ACBD6: variants seen among roughly 807,000 people sequenced by gnomAD.
ACBD6 encodes acyl-CoA binding domain containing 6.
ACBD6 carries 28 observed loss-of-function variants against 37.2 expected under a neutral mutation model. The observed-to-expected ratio is 0.75, with a 90% CI of 0.56 to 1.03. The LOEUF (loss-of-function observed/expected upper bound fraction) is 1.03, where lower values mean the gene tolerates loss of function less well. Ranked by LOEUF, ACBD6 falls within the 50% of genes least tolerant of loss-of-function variation. The pLI, the probability that ACBD6 is intolerant of heterozygous loss-of-function variation, is 0.00. For missense variants in ACBD6, 340 were observed against 337.4 expected, an observed-to-expected ratio of 1.01 and a Z score of -0.06; for synonymous variants, 113 against 126.8, an observed-to-expected ratio of 0.89 and a Z score of 0.73.
chr1:180,437,450 G>A (rs531542428), intron 3 of ACBD6, among the ~76,000 whole-genome samples: 1 of 152,342 alleles, frequency 6.6e-6, no homozygotes, highest in Admixed American at 6.5e-5. Context: ...ATGTTGGGGA[G>A]AAATCCCCAC....
intron 9 of ACBD6, chr1:180,278,854 AC>A (rs1249343243): frequency 6.6e-6 from 1 of 151,874 alleles, no homozygotes; most frequent in Non-Finnish European, 1.5e-5. Context: ...AAAAAGACCC[AC>A]CCATCCTTAT....
intron 6 of ACBD6, among the ~76,000 whole-genome samples, chr1:180,378,305 A>G (rs965647600): frequency 1.3e-5 from 2 of 152,202 alleles, no homozygotes; most frequent in Admixed American, 1.3e-4. Flanking sequence ...CAAAAGCATA[A>G]GGATAATTAA....
At chr1:180,416,807 T>C (rs1047158596) in intron 4 of ACBD6, among the ~76,000 whole-genome samples, 9 of 152,222 alleles carry the variant, frequency 5.9e-5, no homozygotes, top group Non-Finnish European at 1.3e-4. Context: ...TCTGTACCAT[T>C]TTCTACTCAG....
intron 2 of ACBD6, among the ~76,000 whole-genome samples, chr1:180,494,647 T>A (rs1651657622): frequency 6.6e-6 from 1 of 152,200 alleles, no homozygotes; most frequent in Non-Finnish European, 1.5e-5. Flanking sequence ...GAATGTAAAG[T>A]AAGAACCCAT....
chr1:180,331,343 C>T lies in ACBD6; in HGVS notation c.664-16621G>A, dbSNP rs544936544. ...AACATCCTTAACCCCATCAGGTTAC[C>T]AAATAACTTAGATAGCCATTTTAAT... On this transcript the variant is annotated intron_variant, in intron 6 of 7. Coordinates refer to ENST00000367595, the MANE Select transcript of ACBD6 (RefSeq NM_032360.4). Among the ~76,000 whole-genome samples the T allele has an allele frequency of 1.8e-3, 269 of 152,270 alleles. 2 individuals are homozygous for T. Among genetic ancestry groups the T allele is most frequent in the Non-Finnish European group, 3.1e-3 (210 of 68,016 alleles).
At chr1:180,451,546 T>C (rs149047843) in intron 3 of ACBD6, among the ~76,000 whole-genome samples, 1 of 152,152 alleles carries the variant, frequency 6.6e-6, no homozygotes, top group Non-Finnish European at 1.5e-5. Flanking sequence ...TACTCATCCA[T>C]AAAAAGGAAT....
At chr1:180,274,434 A>G (rs1278433581) in intron 10 of ACBD6, 1 of 1,614,188 alleles carries the variant, frequency 6.2e-7, no homozygotes, top group Non-Finnish European at 8.5e-7. Flanking sequence ...ATCATTGCGC[A>G]TGCAGGGCAG....
chr1:180,424,937 T>C (rs1257306415), intron 4 of ACBD6, among the ~76,000 whole-genome samples: 1 of 152,188 alleles, frequency 6.6e-6, no homozygotes, highest in East Asian at 1.9e-4. Flanking sequence ...CAGGAGACTC[T>C]TACAACAGTT....
intron 6 of ACBD6, among the ~76,000 whole-genome samples, chr1:180,319,756 A>C (rs148305072): frequency 6.6e-6 from 1 of 152,264 alleles, no homozygotes; most frequent in Non-Finnish European, 1.5e-5. Context: ...AGAATATGCA[A>C]AGTTTGTCTG....
At chr1:180,459,978 T>G (rs1181848739) in intron 3 of ACBD6, among the ~76,000 whole-genome samples, 1 of 147,578 alleles carries the variant, frequency 6.8e-6, no homozygotes, top group Non-Finnish European at 1.5e-5. Context: ...TTTTTTTTTT[T>G]TTTTTTTTTT....
At chr1:180,326,500 G>A (rs1651263877) in intron 6 of ACBD6, 1 of 152,478 alleles carries the variant, frequency 6.6e-6, no homozygotes, top group African/African-American at 2.4e-5. Flanking sequence ...AAGAGCCTAG[G>A]CATGGAATCA....
chr1:180,335,291 C>T (rs541514054), intron 6 of ACBD6, among the ~76,000 whole-genome samples: 6 of 152,204 alleles, frequency 3.9e-5, no homozygotes, highest in South Asian at 2.1e-4. Context: ...AAGGGAAGCC[C>T]GTCATACTAA....
chr1:180,270,306 CAG>C (rs994302310), exon 14 of ACBD6: 1 of 152,396 alleles, frequency 6.6e-6, no homozygotes, highest in South Asian at 2.1e-4. Context: ...GGAGAAAAGA[CAG>C]AGAGGAAGTC....
chr1:180,398,542 C>T (rs551983937), intron 5 of ACBD6, among the ~76,000 whole-genome samples: 5 of 152,198 alleles, frequency 3.3e-5, no homozygotes, highest in Admixed American at 2.0e-4. Flanking sequence ...ACTGTGAAAG[C>T]CACTTGTAAA....
At chr1:180,456,743 T>A (rs1032123570) in intron 3 of ACBD6, among the ~76,000 whole-genome samples, 3 of 152,038 alleles carry the variant, frequency 2.0e-5, no homozygotes, top group African/African-American at 7.2e-5. Context: ...TTTTTTTTTT[T>A]AACACCGTCT....
In ACBD6 at chr1:180,476,554, A is replaced by C. The variant is rs115745569; in HGVS notation, c.384+15715T>G. ...AAAACAAGAAAACTCAGCCGGGCAC[A>C]GTGGCTCACGCCTATAATCCCAGCA... is the stretch of plus-strand genomic sequence containing the variant. On this transcript the variant is annotated intron_variant, in intron 3 of 7. Coordinates refer to ENST00000367595, the MANE Select transcript of ACBD6 (RefSeq NM_032360.4). Among the ~76,000 whole-genome samples, 1,097 of 152,330 alleles carry C rather than the reference A, an allele frequency of 7.2e-3. 13 individuals are homozygous for C. Among genetic ancestry groups the C allele is most frequent in the African/African-American group, 0.025 (1,051 of 41,584 alleles).
chr1:180,442,535 T>C (rs1649321789), intron 3 of ACBD6, among the ~76,000 whole-genome samples: 1 of 152,244 alleles, frequency 6.6e-6, no homozygotes, highest in African/African-American at 2.4e-5. Flanking sequence ...CATTATTAAC[T>C]AAATTTTGTT....
intron 4 of ACBD6, among the ~76,000 whole-genome samples, chr1:180,427,928 A>C (rs1184199249): frequency 2.0e-5 from 3 of 151,776 alleles, no homozygotes; most frequent in Non-Finnish European, 4.4e-5. Flanking sequence ...CAAAAAAAAA[A>C]AAAAAACCAA....
chr1:180,500,536 TACAAGAA>T (rs1400905215), intron 1 of ACBD6, among the ~76,000 whole-genome samples: 1 of 149,330 alleles, frequency 6.7e-6, no homozygotes, highest in African/African-American at 2.5e-5. Context: ...CTTCTAAAAA[TACAAGAA>T]ATTAGTTGGG....
Sources: gnomAD v4.1 joint callset for allele counts (sites outside exome capture counted in the v4.1 genomes callset) on GRCh38, gnomAD v4.1.1 for gene constraint, MANE v1.5 for transcripts, NCBI Gene and HGNC (gene_info 2026-07-23, HGNC 2026-07-21) for gene names.